DPP10: variants seen among roughly 807,000 people sequenced by gnomAD.
The protein encoded by DPP10 is inactive dipeptidyl peptidase 10.
In DPP10, 33 loss-of-function variants were observed where a neutral mutation model predicts 120.9. The observed-to-expected ratio is 0.27, with a 90% CI of 0.21 to 0.37. DPP10 has a LOEUF of 0.37. Among genes scored for constraint, DPP10 ranks in the 10% least tolerant of loss-of-function variants. The pLI, the probability that DPP10 is intolerant of heterozygous loss-of-function variation, is 1.00. For missense variants in DPP10, 816 were observed against 942.8 expected (o/e 0.87, Z 1.76); for synonymous variants, 337 against 326.1 (o/e 1.03, Z -0.36).
At chr2:115,094,690 A>G (rs1171086791) in intron 1 of DPP10, among the ~76,000 whole-genome samples, 2 of 152,194 alleles carry the variant, frequency 1.3e-5, no homozygotes, top group Non-Finnish European at 2.9e-5. Context: ...GTAGTAATTG[A>G]ATTACCCACA....
chr2:114,899,661 A>G (rs764813681), intron 1 of DPP10, among the ~76,000 whole-genome samples: 4 of 147,756 alleles, frequency 2.7e-5, no homozygotes, highest in Non-Finnish European at 4.5e-5. Flanking sequence ...ACTTCATAAG[A>G]TTTATTCGTG....
intron 1 of DPP10, among the ~76,000 whole-genome samples, chr2:114,627,262 A>G (rs1326486738): frequency 2.6e-5 from 4 of 152,154 alleles, no homozygotes; most frequent in African/African-American, 4.8e-5. Context: ...GGAATCCCAC[A>G]GTATCCAAAA....
At chr2:115,621,533 A>C (rs2084941852) in intron 5 of DPP10, among the ~76,000 whole-genome samples, 1 of 152,186 alleles carries the variant, frequency 6.6e-6, no homozygotes, top group African/African-American at 2.4e-5. Context: ...GTAAACACTT[A>C]AGGGATATTT....
intron 1 of DPP10, among the ~76,000 whole-genome samples, chr2:115,195,316 T>C (rs886377701): frequency 1.3e-5 from 2 of 152,192 alleles, no homozygotes; most frequent in African/African-American, 4.8e-5. Context: ...CATGATAATA[T>C]AACCATACCT....
At chr2:114,751,004 A>G (rs1679166165) in intron 1 of DPP10, among the ~76,000 whole-genome samples, 1 of 152,240 alleles carries the variant, frequency 6.6e-6, no homozygotes, top group Non-Finnish European at 1.5e-5. Flanking sequence ...ACAGAGCTGC[A>G]TCTAAGTCAA....
intron 1 of DPP10, among the ~76,000 whole-genome samples, chr2:115,202,185 T>C (rs1158244598): frequency 6.6e-6 from 1 of 152,148 alleles, no homozygotes; most frequent in East Asian, 1.9e-4. Flanking sequence ...TGCCTCAGCC[T>C]CCTAAAGTGC....
chr2:115,844,324 T>A lies in DPP10; in HGVS notation c.*1979T>A, dbSNP rs906583806. ...AGGTGTGGTTTTATTGAATGTCTAT[T>A]TGAGTATCATTTAAAAAGTATTTGC... On this transcript the variant is annotated 3_prime_UTR_variant, in exon 26 of 26. Coordinates refer to ENST00000410059, the MANE Select transcript of DPP10 (RefSeq NM_020868.6). 1 of 152,574 alleles carries A rather than the reference T, an allele frequency of 6.6e-6. No individual in the cohort carries two copies. The highest frequency in any genetic ancestry group is 1.5e-5 in the Non-Finnish European group (1 of 68,008). 9.5% of individuals were successfully genotyped at this position (152,574 alleles called of 1,614,324 possible). A position where few individuals can be genotyped will look rare whatever the true frequency, so the allele number is the denominator to read the frequency against.
At chr2:115,403,344 G>GCTCA (rs1268319602) in intron 3 of DPP10, among the ~76,000 whole-genome samples, 1 of 145,300 alleles carries the variant, frequency 6.9e-6, no homozygotes, top group Admixed American at 6.9e-5. Flanking sequence ...AGACAACGAT[G>GCTCA]CTCACTGTCA....
chr2:115,610,472 T>TGAG (rs72531669), intron 5 of DPP10, among the ~76,000 whole-genome samples: 1 of 137,670 alleles, frequency 7.3e-6, no homozygotes, highest in African/African-American at 2.8e-5. Context: ...TTGAAGGCTA[T>TGAG]GTACCACAAG....
chr2:115,731,542 A>C (rs2092910894), intron 8 of DPP10, among the ~76,000 whole-genome samples: 1 of 152,156 alleles, frequency 6.6e-6, no homozygotes, highest in Non-Finnish European at 1.5e-5. Flanking sequence ...AAAAAATTTA[A>C]AAAAGAAACC....
At chr2:115,338,002 T>C (rs921192480) in intron 2 of DPP10, among the ~76,000 whole-genome samples, 2 of 152,014 alleles carry the variant, frequency 1.3e-5, no homozygotes, top group Non-Finnish European at 2.9e-5. Flanking sequence ...CTTTGAAGGG[T>C]TGGTTTTAGA....
At chr2:115,423,535 C>G (rs1016020740) in intron 3 of DPP10, among the ~76,000 whole-genome samples, 1 of 152,052 alleles carries the variant, frequency 6.6e-6, no homozygotes, top group African/African-American at 2.4e-5. Flanking sequence ...TGGAAAATTT[C>G]TGCTGAGGAA....
intron 1 of DPP10, among the ~76,000 whole-genome samples, chr2:114,621,739 G>C (rs947486293): frequency 7.9e-5 from 12 of 151,768 alleles, no homozygotes; most frequent in African/African-American, 2.9e-4. Flanking sequence ...TAAATAAATG[G>C]ATAGAGGTTT....
chr2:115,207,047 T>G (rs2056182253), intron 1 of DPP10, among the ~76,000 whole-genome samples: 1 of 152,312 alleles, frequency 6.6e-6, no homozygotes, highest in Non-Finnish European at 1.5e-5. Flanking sequence ...TGCTGTAACT[T>G]CAACATCCGA....
At chr2:115,015,816 A>C (rs1418882740) in intron 1 of DPP10, among the ~76,000 whole-genome samples, 2 of 152,214 alleles carry the variant, frequency 1.3e-5, no homozygotes, top group Admixed American at 6.5e-5. Flanking sequence ...CTCTTCAAAG[A>C]AAACTACAAA....
chr2:114,662,011 A>AC (rs1275129585), intron 1 of DPP10, among the ~76,000 whole-genome samples: 3 of 151,522 alleles, frequency 2.0e-5, no homozygotes, highest in Admixed American at 1.3e-4. Context: ...CGTCTCCAAA[A>AC]AAAAAAAAAC....
intron 1 of DPP10, among the ~76,000 whole-genome samples, chr2:114,705,594 C>T (rs768481392): frequency 6.6e-6 from 1 of 151,976 alleles, no homozygotes; most frequent in South Asian, 2.1e-4. Context: ...TATGTTTATA[C>T]TGAGAATATT....
At chr2:114,753,766 A>G (rs1337251484) in intron 1 of DPP10, among the ~76,000 whole-genome samples, 1 of 151,906 alleles carries the variant, frequency 6.6e-6, no homozygotes, top group Non-Finnish European at 1.5e-5. Context: ...AAAATTAGCC[A>G]GGCGTGGTGG....
chr2:114,763,440 A>T (rs1334790986), intron 1 of DPP10, among the ~76,000 whole-genome samples: 1 of 152,224 alleles, frequency 6.6e-6, no homozygotes, highest in African/African-American at 2.4e-5. Flanking sequence ...TACTTCTCAC[A>T]AAATGAATTC....
Sources: allele counts gnomAD v4.1 joint callset (sites outside exome capture counted in the v4.1 genomes callset), GRCh38; gene constraint gnomAD v4.1.1; transcripts MANE v1.5; gene names NCBI Gene and HGNC (gene_info 2026-07-23, HGNC 2026-07-21).